Variants in DSCAML1 observed in about 807,000 individuals in gnomAD.
The protein encoded by DSCAML1 is cell adhesion molecule DSCAML1.
A neutral mutation model predicts 200.5 loss-of-function variants in DSCAML1; 38 were observed. The observed-to-expected ratio is 0.19, with a 90% CI of 0.15 to 0.25. DSCAML1 has a LOEUF of 0.25. DSCAML1 is among the 10% of genes least tolerant of loss of function. The pLI is 1.00. For synonymous variants in DSCAML1, 1,215 were observed against 1,165.0 expected (o/e 1.04, Z -0.87); for missense variants, 2,223 against 2,858.8 (o/e 0.78, Z 5.07).
In DSCAML1 at chr11:117,803,268, G is replaced by A. The variant is rs961084405; in HGVS notation, c.-250+14122C>T. Among the ~76,000 whole-genome samples the A allele has an allele frequency of 6.6e-5, 10 of 152,168 alleles. No homozygotes were observed. The East Asian group carries it at 1.7e-3, about 26-fold the overall frequency. On this transcript the variant is annotated intron_variant, in intron 1 of 2. Transcript: ENST00000525836. ...GGCCTCAGGTGCCTGCACCAGGGGT[G>A]TGTGTGTAGCATAGGAAAGACAAGG...
At chr11:117,612,547 C>T (rs943154292) in intron 3 of DSCAML1, among the ~76,000 whole-genome samples, 1 of 152,088 alleles carries the variant, frequency 6.6e-6, no homozygotes, top group Admixed American at 6.5e-5. Context: ...TTCCAGGAGG[C>T]AATAAAGAGA....
At position 117,518,507 on chromosome 11, in the gene DSCAML1, A is replaced by T. The variant is rs765503970; in HGVS notation, c.1469T>A (p.Leu490Ter). Residue 490 changes from leucine to a stop codon, truncating the protein, a stop_gained, in exon 7 of 33, where the codon TTG becomes TAG. Transcript: ENST00000651296. LOFTEE classifies it high-confidence loss of function. The surrounding 1 kb of genome is among the most constrained non-coding windows in gnomAD (Gnocchi z 6.3). ...CGCCTGATATTCAGCACTGCCCACC[A>T]AGTTCCGCGCTGTGCACCGGTACAC... ...GGVYRCTARNLVGSAEYQARI... is the reference protein window; with the variant it reads ...GGVYRCTARN The T allele has an allele frequency of 6.2e-7, 1 of 1,614,160 alleles. No homozygotes were observed. Among genetic ancestry groups the T allele is most frequent in the Non-Finnish European group, 8.5e-7 (1 of 1,180,016 alleles).
chr11:117,631,894 G>A (rs1266526255), intron 3 of DSCAML1, among the ~76,000 whole-genome samples: 2 of 152,224 alleles, frequency 1.3e-5, no homozygotes, highest in Admixed American at 6.5e-5. Context: ...CTATAGACAG[G>A]AGGTCCCTGG....
intron 3 of DSCAML1, among the ~76,000 whole-genome samples, chr11:117,725,909 T>A (rs1410153271): frequency 6.6e-6 from 1 of 152,158 alleles, no homozygotes; most frequent in Non-Finnish European, 1.5e-5. Context: ...TCCCCACCTG[T>A]TCCAGTTGAG....
At chr11:117,510,626 G>A (rs989752698) in intron 8 of DSCAML1, among the ~76,000 whole-genome samples, 1 of 152,034 alleles carries the variant, frequency 6.6e-6, no homozygotes, top group Non-Finnish European at 1.5e-5. Context: ...GGTATTTACC[G>A]TAGGATCCCT....
chr11:117,625,979 G>A (rs930018850), intron 3 of DSCAML1, among the ~76,000 whole-genome samples: 3 of 152,238 alleles, frequency 2.0e-5, no homozygotes, highest in Non-Finnish European at 2.9e-5. Context: ...GGCATGGTCT[G>A]GACATCGGTG....
intron 3 of DSCAML1, among the ~76,000 whole-genome samples, chr11:117,567,813 A>C (rs1288966425): frequency 6.6e-6 from 1 of 152,138 alleles, no homozygotes; most frequent in African/African-American, 2.4e-5. Flanking sequence ...AACTGGTACC[A>C]TTCCTTCTGA....
chr11:117,798,006 G>A (rs74505693), upstream of DSCAML1, among the ~76,000 whole-genome samples: 11,420 of 152,296 alleles, frequency 0.075, 539 homozygotes, highest in Middle Eastern at 0.13. Flanking sequence ...TTGAGCACCT[G>A]CTGTGTCAGG....
intron 3 of DSCAML1, among the ~76,000 whole-genome samples, chr11:117,720,736 G>T (rs2054029152): frequency 6.6e-6 from 1 of 152,244 alleles, no homozygotes; most frequent in Non-Finnish European, 1.5e-5. Context: ...ATGGTGCACA[G>T]CAATAGTGGT....
intron 3 of DSCAML1, among the ~76,000 whole-genome samples, chr11:117,710,944 C>A (rs1412212402): frequency 6.6e-6 from 1 of 152,154 alleles, no homozygotes; most frequent in Non-Finnish European, 1.5e-5. Flanking sequence ...ACTTCAAGGT[C>A]ACAAACTATA....
chr11:117,585,112 C>A (rs545700545), intron 3 of DSCAML1, among the ~76,000 whole-genome samples: 16 of 152,264 alleles, frequency 1.1e-4, no homozygotes, highest in Non-Finnish European at 1.8e-4. Flanking sequence ...TCAGGGCCTC[C>A]TCTCTTCATA....
intron 18 of DSCAML1, among the ~76,000 whole-genome samples, chr11:117,459,922 G>A (rs2048446064): frequency 6.6e-6 from 1 of 152,264 alleles, no homozygotes; most frequent in South Asian, 2.1e-4. Context: ...CCCAGCGTGA[G>A]AAGACTCCAG....
At chr11:117,644,345 G>A (rs1327932433) in intron 3 of DSCAML1, among the ~76,000 whole-genome samples, 2 of 152,260 alleles carry the variant, frequency 1.3e-5, no homozygotes, top group East Asian at 1.9e-4. Flanking sequence ...TCTGCGCACG[G>A]CACCTGGTTT....
chr11:117,578,161 T>C (rs2050981179), intron 3 of DSCAML1, among the ~76,000 whole-genome samples: 1 of 138,926 alleles, frequency 7.2e-6, no homozygotes, highest in African/African-American at 2.8e-5. Flanking sequence ...CCTGAAGCCA[T>C]GAGGCTGAGG....
At chr11:117,805,226 G>A (rs1184775463) in intron 1 of DSCAML1, among the ~76,000 whole-genome samples, 5 of 152,268 alleles carry the variant, frequency 3.3e-5, no homozygotes, top group Middle Eastern at 3.4e-3. Flanking sequence ...GGGTCAAATG[G>A]CACTTACTTA....
chr11:117,719,055 C>T (rs551089421), intron 3 of DSCAML1, among the ~76,000 whole-genome samples: 14 of 152,206 alleles, frequency 9.2e-5, no homozygotes, highest in East Asian at 3.9e-4. Context: ...CTGTTCTAGG[C>T]GGTGTGCTAA....
chr11:117,742,699 G>A (rs1016027324), intron 3 of DSCAML1, among the ~76,000 whole-genome samples: 6 of 152,172 alleles, frequency 3.9e-5, no homozygotes, highest in African/African-American at 7.2e-5. Flanking sequence ...ATCAACAAAC[G>A]CACACAGCAT....
chr11:117,748,153 A>G (rs1290921187), intron 3 of DSCAML1, among the ~76,000 whole-genome samples: 3 of 152,170 alleles, frequency 2.0e-5, no homozygotes, highest in East Asian at 1.9e-4. Flanking sequence ...AAAATTGTAG[A>G]CTATTGTGAG....
rs2053506555 is a variant in DSCAML1, at chr11:117,692,165, C to G, written c.511+84626G>C. ...AGGCAAGGTTCCTAATGATGCAGTC[C>G]TTGGGCACAGTACCATTCTCCTCTC... On this transcript the variant is annotated intron_variant, in intron 3 of 32. Transcript: ENST00000651296. Among the ~76,000 whole-genome samples, 3 of 152,158 alleles carry G rather than the reference C, an allele frequency of 2.0e-5. No individual in the cohort carries two copies. In the South Asian group the frequency reaches 6.2e-4, roughly 32 times the overall value.
Sources: allele counts gnomAD v4.1 joint callset (sites outside exome capture counted in the v4.1 genomes callset), GRCh38; gene constraint gnomAD v4.1.1; non-coding constraint Gnocchi (gnomAD v3.1); transcripts MANE v1.5; gene names NCBI Gene and HGNC (gene_info 2026-07-23, HGNC 2026-07-21).